The following FSIP1 variants were observed in gnomAD, a reference collection of about 807,000 sequenced individuals.
FSIP1 encodes the protein fibrous sheath interacting protein 1.
A neutral mutation model predicts 60.9 loss-of-function variants in FSIP1; 65 were observed. That is an observed-to-expected ratio of 1.07 (90% confidence interval 0.87 to 1.31). The LOEUF (loss-of-function observed/expected upper bound fraction) is 1.31. Among genes scored for constraint, FSIP1 ranks in the 40% most tolerant of loss-of-function variants. The pLI is 0.00. For missense variants in FSIP1, 675 were observed against 665.5 expected (o/e 1.01, Z -0.16); for synonymous variants, 209 against 221.2 (o/e 0.94, Z 0.49).
intron 11 of FSIP1, chr15:39,602,247 G>C (rs1890666769): frequency 2.3e-6 from 1 of 441,074 alleles, no homozygotes; most frequent in Non-Finnish European, 4.6e-6. Flanking sequence ...GCAATGTGAA[G>C]ACGGAGGCAG....
At chr15:39,668,701 G>A (rs1246492930) in intron 10 of FSIP1, among the ~76,000 whole-genome samples, 1 of 152,180 alleles carries the variant, frequency 6.6e-6, no homozygotes, top group Non-Finnish European at 1.5e-5. Flanking sequence ...ACATGAACTG[G>A]GAGATCAGGT....
chr15:39,679,207 G>C (rs1894062607), intron 10 of FSIP1, among the ~76,000 whole-genome samples: 1 of 152,186 alleles, frequency 6.6e-6, no homozygotes, highest in Admixed American at 6.5e-5. Flanking sequence ...GAATGGTTCA[G>C]AATAATTATT....
chr15:39,616,374 A>T (rs142682294), intron 11 of FSIP1, among the ~76,000 whole-genome samples: 402 of 152,330 alleles, frequency 2.6e-3, no homozygotes, highest in African/African-American at 8.7e-3. Flanking sequence ...TAAAAATGTT[A>T]TGCAGTTTTA....
At chr15:39,712,047 A>T (rs1362992989) in intron 10 of FSIP1, among the ~76,000 whole-genome samples, 10 of 152,180 alleles carry the variant, frequency 6.6e-5, no homozygotes, top group Admixed American at 6.5e-4. Context: ...CTGAAAATGG[A>T]AATAGAGGTC....
chr15:39,780,290 G>A (rs2631717), intron 1 of FSIP1, among the ~76,000 whole-genome samples: 71,670 of 152,064 alleles, frequency 0.47, 18,055 homozygotes, highest in African/African-American at 0.64. Context: ...TTGGGAGGCC[G>A]AGGCGGGCAG....
At chr15:39,700,327 T>G (rs546826912) in intron 10 of FSIP1, among the ~76,000 whole-genome samples, 2 of 152,340 alleles carry the variant, frequency 1.3e-5, no homozygotes, top group African/African-American at 2.4e-5. Context: ...TCTATTTTGA[T>G]CAAATATAGC....
At chr15:39,666,986 C>T (rs1198952852) in intron 10 of FSIP1, among the ~76,000 whole-genome samples, 2 of 152,212 alleles carry the variant, frequency 1.3e-5, no homozygotes, top group Non-Finnish European at 1.5e-5. Flanking sequence ...TACCATTCTT[C>T]AGCTCCACCC....
intron 8 of FSIP1, among the ~76,000 whole-genome samples, chr15:39,736,049 T>TTA (rs1896595919): frequency 6.6e-6 from 1 of 152,214 alleles, no homozygotes; most frequent in East Asian, 1.9e-4. Flanking sequence ...ATTCACTTTT[T>TTA]TATATGTAAG....
chr15:39,694,873 C>A (rs3103065), intron 10 of FSIP1, among the ~76,000 whole-genome samples: 79,574 of 151,834 alleles, frequency 0.52, 22,893 homozygotes, highest in Non-Finnish European at 0.66. Flanking sequence ...CATTTTTAGT[C>A]AACTAGTTTT....
intron 5 of FSIP1, among the ~76,000 whole-genome samples, chr15:39,749,262 C>CAAAAAAAAAAA (rs1566912714): frequency 3.0e-5 from 1 of 33,298 alleles, no homozygotes; most frequent in Non-Finnish European, 6.2e-5. Flanking sequence ...TTAAACTCTT[C>CAAAAAAAAAAA]CAAAAAAAAA....
At chr15:39,742,434 T>C (rs920042344) in intron 5 of FSIP1, among the ~76,000 whole-genome samples, 2 of 152,232 alleles carry the variant, frequency 1.3e-5, no homozygotes, top group South Asian at 2.1e-4. Flanking sequence ...TAGGACATTG[T>C]GTTTTTCAAC....
rs111233818 is a variant in FSIP1 at position 39,687,485 on chromosome 15, C to G, written c.1188+25959G>C. Among the ~76,000 whole-genome samples the G allele has an allele frequency of 4.9e-3, 753 of 152,292 alleles. 10 individuals are homozygous for G. Among genetic ancestry groups the G allele is most frequent in the African/African-American group, 0.017 (692 of 41,570 alleles). ...TTTCTAAACTGACTGAGGCAAGCGT[C>G]TAGAATCAGCCATTTCTATTCTAAG... On this transcript the variant is annotated intron_variant, in intron 10 of 11. Transcript: ENST00000350221.
chr15:39,764,413 T>C (rs941829344), intron 4 of FSIP1, among the ~76,000 whole-genome samples: 1 of 152,228 alleles, frequency 6.6e-6, no homozygotes, highest in East Asian at 1.9e-4. Flanking sequence ...TCCATCCCAG[T>C]GGACTTCCTG....
In FSIP1 at chr15:39,765,719, G is replaced by A. The variant is rs1360964531; in HGVS notation, c.338C>T (p.Ser113Phe). The A allele has an allele frequency of 6.5e-7, 1 of 1,545,654 alleles. No individual in the cohort carries two copies. Residue 113 changes from serine (S) to phenylalanine (F), a missense_variant, in exon 4 of 12, where the codon TCT becomes TTT. By Grantham distance (155) the Ser-to-Phe change is radical. Coordinates refer to ENST00000350221, the MANE Select transcript of FSIP1 (RefSeq NM_152597.5). ...CTTCTGAATAGCATCTTGAAGTTGA[G>A]AATCTAATTCTTTTAATTTGGGTTC... The part of the protein sequence containing the change: ...SDEPKLKELD[S>F]QLQDAIQKMK...
chr15:39,750,728 C>A (rs1897137451), intron 5 of FSIP1, among the ~76,000 whole-genome samples: 1 of 151,722 alleles, frequency 6.6e-6, no homozygotes, highest in African/African-American at 2.4e-5. Context: ...TCACCCTGGG[C>A]AATTATTTCT....
chr15:39,696,417 A>G (rs1043913789), intron 10 of FSIP1, among the ~76,000 whole-genome samples: 8 of 152,220 alleles, frequency 5.3e-5, no homozygotes, highest in African/African-American at 1.7e-4. Flanking sequence ...AACCAAAAAA[A>G]TATAAATTAA....
rs376268118 is a variant in FSIP1, at chr15:39,637,788, G to C, written c.1189-19543C>G. ...CAAGGGAAGAGAAATCATATGTAAGGCAACCAGGAAAAAAAAAAAGACAAA... is the reference window on the plus strand; with the variant it reads ...CAAGGGAAGAGAAATCATATGTAAGCCAACCAGGAAAAAAAAAAAGACAAA... On this transcript the variant is annotated intron_variant, in intron 10 of 11. Coordinates refer to ENST00000350221, the MANE Select transcript of FSIP1 (RefSeq NM_152597.5). 7.9e-5 allele frequency among the ~76,000 whole-genome samples: 12 copies of C among 151,904 alleles called. No homozygotes were observed. In the East Asian group the frequency reaches 2.3e-3, roughly 29 times the overall value.
chr15:39,695,177 G>T (rs1256520151), intron 10 of FSIP1, among the ~76,000 whole-genome samples: 1 of 152,058 alleles, frequency 6.6e-6, no homozygotes, highest in African/African-American at 2.4e-5. Context: ...AAAGGTACTA[G>T]CTGCCTACCT....
intron 10 of FSIP1, among the ~76,000 whole-genome samples, chr15:39,712,603 G>T (rs1895565570): frequency 6.6e-6 from 1 of 152,212 alleles, no homozygotes; most frequent in African/African-American, 2.4e-5. Context: ...AGGGGTTACT[G>T]CAGGTAATTA....
Sources: allele counts gnomAD v4.1 joint callset (sites outside exome capture counted in the v4.1 genomes callset), GRCh38; gene constraint gnomAD v4.1.1; transcripts MANE v1.5; gene names NCBI Gene and HGNC (gene_info 2026-07-23, HGNC 2026-07-21).